CCDC73: variants seen among roughly 807,000 people sequenced by gnomAD.
The protein encoded by CCDC73 is coiled-coil domain containing 73, also known as coiled-coil domain-containing protein 73.
A neutral mutation model predicts 116.5 loss-of-function variants in CCDC73; 95 were observed. The ratio of observed to expected loss-of-function variants is 0.82; its 90% confidence interval spans 0.69 to 0.97. The LOEUF is 0.97. CCDC73 is among the 50% of genes least tolerant of loss of function. The pLI, the probability that CCDC73 is intolerant of heterozygous loss-of-function variation, is 0.00. For synonymous variants in CCDC73, 398 were observed against 401.3 expected, an observed-to-expected ratio of 0.99 and a Z score of 0.10; for missense variants, 1,066 against 1,206.8, an observed-to-expected ratio of 0.88 and a Z score of 1.73.
chr11:32,808,650 A>AC, the CCDC73 span, among the ~76,000 whole-genome samples: 1 of 152,044 alleles, frequency 6.6e-6, no homozygotes, highest in Non-Finnish European at 1.5e-5. Context: ...AAGAAAAAAA[A>AC]AAAGGCCATA....
chr11:32,692,181 G>A (rs888296983), intron 6 of CCDC73, among the ~76,000 whole-genome samples: 2 of 150,518 alleles, frequency 1.3e-5, no homozygotes, highest in Admixed American at 6.6e-5. Context: ...GTTAAATTTT[G>A]TGTAAATCTG....
intron 12 of CCDC73, among the ~76,000 whole-genome samples, chr11:32,642,993 T>C (rs1855746871): frequency 6.6e-6 from 1 of 151,634 alleles, no homozygotes. Flanking sequence ...AATATATATA[T>C]ATTTTTAAAT....
chr11:32,723,179 C>T, intron 2 of CCDC73, among the ~76,000 whole-genome samples: 1 of 152,070 alleles, frequency 6.6e-6, no homozygotes, highest in Non-Finnish European at 1.5e-5. Context: ...TTTGGTAAAA[C>T]ATCTCAAAAT....
At chr11:32,722,509 G>A (rs1479527339) in intron 2 of CCDC73, among the ~76,000 whole-genome samples, 1 of 152,110 alleles carries the variant, frequency 6.6e-6, no homozygotes, top group Non-Finnish European at 1.5e-5. Context: ...ATGGAAGAAG[G>A]GAGGAAATCC....
chr11:32,667,924 T>A (rs2133279595), intron 9 of CCDC73, among the ~76,000 whole-genome samples: 1 of 152,334 alleles, frequency 6.6e-6, no homozygotes, highest in Middle Eastern at 3.4e-3. Context: ...ATGGTTAAGA[T>A]CAGAGGTTCT....
In CCDC73 at chr11:32,772,718, G is replaced by A. The variant is rs115178596; in HGVS notation, c.-15-12460C>T. Among the ~76,000 whole-genome samples, 1,098 of 152,266 alleles carry A rather than the reference G, an allele frequency of 7.2e-3. 17 individuals carry two copies. Among genetic ancestry groups the A allele is most frequent in the African/African-American group, 0.025 (1,058 of 41,546 alleles). Reference sequence around the variant, plus strand: ...TAATAACTGGTGAAATCTAGGTAAGGTTATAAAGGTGTTAGTTATTCTATT... The same window carrying A: ...TAATAACTGGTGAAATCTAGGTAAGATTATAAAGGTGTTAGTTATTCTATT... On this transcript the variant is annotated intron_variant, in intron 1 of 17. Coordinates refer to ENST00000335185, the MANE Select transcript of CCDC73 (RefSeq NM_001008391.4).
rs1411751756 is a variant in CCDC73 at position 32,791,325 on chromosome 11, G to A, written c.-16+3288C>T. 2.6e-5 allele frequency among the ~76,000 whole-genome samples: 4 copies of A among 152,276 alleles called. No individual in the cohort carries two copies. The East Asian group carries it at 7.7e-4, about 29-fold the overall frequency. On this transcript the variant is annotated intron_variant, in intron 1 of 17. Transcript: ENST00000335185. Reference sequence around the variant, plus strand: ...ATTATCTACATGATTATTTCCCAAAGTATGTTCTAAGGGGCACAAGGCCCA... The same window carrying A: ...ATTATCTACATGATTATTTCCCAAAATATGTTCTAAGGGGCACAAGGCCCA...
Position 32,700,834 on chromosome 11 carries a change from A to G in CCDC73, c.280-8T>C. 7.0e-7 allele frequency: 1 copy of G among 1,425,260 alleles called. No homozygotes were observed. Among genetic ancestry groups the G allele is most frequent in the Non-Finnish European group, 9.5e-7 (1 of 1,052,236 alleles). The allele number at this position is 1,425,260 out of a possible 1,614,324, so 88.3% of individuals were successfully genotyped here. A position where few individuals can be genotyped will look rare whatever the true frequency, so the allele number is the denominator to read the frequency against. ...ACACATCTTCATCTGCAACTGATAAACAATTTTAAAAATTAAAATAAAGGG... is the reference window on the plus strand; with the variant it reads ...ACACATCTTCATCTGCAACTGATAAGCAATTTTAAAAATTAAAATAAAGGG... On this transcript the variant is annotated splice_polypyrimidine_tract_variant and splice_region_variant and intron_variant, in intron 4 of 17. Coordinates refer to ENST00000335185, the MANE Select transcript of CCDC73 (RefSeq NM_001008391.4).
In CCDC73 at chr11:32,602,919, A is replaced by T; in HGVS notation, c.3132T>A (p.Ile1044=). Residue 1044 remains isoleucine, a synonymous_variant, in exon 18 of 18, where the codon ATT becomes ATA. Transcript: ENST00000335185. The stretch of plus-strand genomic sequence containing the variant: ...TTTCACTTTTATTTAGTTGATTCGT[A>T]ATGAGGCTCTGCCAGTCATCATCAC... The part of the protein sequence containing the change: ...TSGDDDWQSL[I]TNQLNKSENL... The T allele has an allele frequency of 6.2e-7, 1 of 1,612,950 alleles. No homozygotes were observed. Among genetic ancestry groups the T allele is most frequent in the Non-Finnish European group, 8.5e-7 (1 of 1,179,356 alleles).
intron 14 of CCDC73, among the ~76,000 whole-genome samples, chr11:32,626,506 C>T (rs1170178299): frequency 6.6e-6 from 1 of 152,022 alleles, no homozygotes; most frequent in Non-Finnish European, 1.5e-5. Context: ...CAAAAAAGAG[C>T]CCACATTGCC....
At chr11:32,823,985 C>G in the CCDC73 span, among the ~76,000 whole-genome samples, 2 of 152,206 alleles carry the variant, frequency 1.3e-5, no homozygotes, top group Non-Finnish European at 2.9e-5. Flanking sequence ...ACCTCCACCT[C>G]CCAGGTTGAC....
chr11:32,752,005 T>A (rs915567641), intron 2 of CCDC73, among the ~76,000 whole-genome samples: 2 of 152,236 alleles, frequency 1.3e-5, no homozygotes, highest in African/African-American at 4.8e-5. Flanking sequence ...TGGCTAGGGC[T>A]GAAATGACAG....
At chr11:32,623,160 C>G (rs1855538536) in intron 14 of CCDC73, among the ~76,000 whole-genome samples, 1 of 151,986 alleles carries the variant, frequency 6.6e-6, no homozygotes, top group African/African-American at 2.4e-5. Context: ...AGGCATGCCC[C>G]CACATGTGGC....
intron 13 of CCDC73, among the ~76,000 whole-genome samples, chr11:32,641,167 T>G (rs1855729677): frequency 6.6e-6 from 1 of 152,212 alleles, no homozygotes; most frequent in South Asian, 2.1e-4. Flanking sequence ...CTATAATATA[T>G]TGCATAGTAT....
At chr11:32,734,175 A>T (rs1363164585) in intron 2 of CCDC73, among the ~76,000 whole-genome samples, 1 of 152,230 alleles carries the variant, frequency 6.6e-6, no homozygotes, top group Non-Finnish European at 1.5e-5. Flanking sequence ...AATCTAGAAG[A>T]AATGGATAAA....
intron 3 of CCDC73, among the ~76,000 whole-genome samples, chr11:32,711,959 C>A (rs2133326177): frequency 6.6e-6 from 1 of 152,222 alleles, no homozygotes; most frequent in African/African-American, 2.4e-5. Flanking sequence ...TTATCAAGGG[C>A]AGTATTAGCA....
chr11:32,817,283 T>C, the CCDC73 span, among the ~76,000 whole-genome samples: 1,398 of 152,350 alleles, frequency 9.2e-3, 12 homozygotes, highest in Middle Eastern at 0.027. Context: ...GCTACATCTT[T>C]GCATACATCC....
At chr11:32,816,417 G>A in the CCDC73 span, among the ~76,000 whole-genome samples, 1,581 of 152,142 alleles carry the variant, frequency 0.01, 26 homozygotes, top group African/African-American at 0.036. Flanking sequence ...CCAGTGTTTT[G>A]TGAAACTCAT....
At chr11:32,695,739 T>C (rs1439741647) in intron 6 of CCDC73, among the ~76,000 whole-genome samples, 1 of 150,156 alleles carries the variant, frequency 6.7e-6, no homozygotes, top group African/African-American at 2.4e-5. Flanking sequence ...GTTTGTTGCA[T>C]TGATGTTCCC....
Sources: gnomAD v4.1 joint callset for allele counts (sites outside exome capture counted in the v4.1 genomes callset) on GRCh38, gnomAD v4.1.1 for gene constraint, MANE v1.5 for transcripts, NCBI Gene and HGNC (gene_info 2026-07-23, HGNC 2026-07-21) for gene names.